LAMA1: variants seen among roughly 807,000 people sequenced by gnomAD.
The protein encoded by LAMA1 is laminin subunit alpha-1.
Under a neutral mutation model 348.7 loss-of-function variants are expected in LAMA1, and 219 were observed. The observed-to-expected ratio is 0.63, with a 90% CI of 0.56 to 0.70. LAMA1 has a LOEUF of 0.70. Among genes scored for constraint, LAMA1 ranks in the 30% least tolerant of loss-of-function variants. LAMA1 has a pLI of 0.00. For missense variants in LAMA1, 3,744 were observed against 3,888.0 expected (o/e 0.96, Z 0.99); for synonymous variants, 1,487 against 1,491.0 (o/e 1.00, Z 0.06).
intron 46 of LAMA1, among the ~76,000 whole-genome samples, chr18:6,974,667 C>T (rs1037689994): frequency 2.6e-5 from 4 of 151,864 alleles, no homozygotes; most frequent in African/African-American, 9.7e-5. Context: ...AGGCTGGTCT[C>T]GAACTCCTGA....
chr18:6,979,291 A>G (rs2057697463), intron 42 of LAMA1, among the ~76,000 whole-genome samples: 3 of 152,338 alleles, frequency 2.0e-5, no homozygotes, highest in South Asian at 2.1e-4. Flanking sequence ...GGTAACTTCC[A>G]TGCTTACAAA....
intron 3 of LAMA1, among the ~76,000 whole-genome samples, chr18:7,075,265 T>C (rs1160559919): frequency 6.6e-6 from 1 of 152,184 alleles, no homozygotes; most frequent in East Asian, 1.9e-4. Context: ...GTTTGTTCCT[T>C]GTTCTTTTCT....
intron 49 of LAMA1, chr18:6,965,662 G>C (rs2057630015): frequency 3.6e-6 from 2 of 550,818 alleles, no homozygotes; most frequent in Middle Eastern, 4.8e-4. Flanking sequence ...CCACAATTCA[G>C]TAAGAGAAGT....
At chr18:7,102,285 C>G (rs1297935241) in intron 1 of LAMA1, among the ~76,000 whole-genome samples, 1 of 152,132 alleles carries the variant, frequency 6.6e-6, no homozygotes, top group African/African-American at 2.4e-5. Flanking sequence ...AAAAATCCAT[C>G]TATGACATAA....
At chr18:6,992,217 A>C (rs1016696735) in intron 36 of LAMA1, among the ~76,000 whole-genome samples, 1 of 152,110 alleles carries the variant, frequency 6.6e-6, no homozygotes, top group South Asian at 2.1e-4. Flanking sequence ...GCCACCAACG[A>C]TTTTTTTCTA....
At chr18:6,982,186 G>C (rs948297163) in intron 41 of LAMA1, among the ~76,000 whole-genome samples, 1 of 152,134 alleles carries the variant, frequency 6.6e-6, no homozygotes, top group Non-Finnish European at 1.5e-5. Context: ...TAACCCAACA[G>C]ACACTAGGAA....
At chr18:7,035,644 T>C (rs1026464654) in intron 13 of LAMA1, among the ~76,000 whole-genome samples, 1 of 152,140 alleles carries the variant, frequency 6.6e-6, no homozygotes, top group African/African-American at 2.4e-5. Context: ...CTCAAACTCC[T>C]GGCTTCAAAC....
At chr18:6,977,693 C>A (rs554424899) in intron 44 of LAMA1, 34 bp downstream of exon 44, 2 of 1,613,136 alleles carry the variant, frequency 1.2e-6, no homozygotes, top group Non-Finnish European at 1.7e-6. Flanking sequence ...TGACTGAGAG[C>A]CCAGTTACGA....
intron 30 of LAMA1, 132 bp from the exon 31 acceptor site, chr18:7,000,129 C>T (rs1203676619): frequency 2.9e-6 from 2 of 690,712 alleles, no homozygotes; most frequent in African/African-American, 1.8e-5. Context: ...CTTTTTAGAG[C>T]TTACAATCTA....
chr18:7,048,150 TA>T (rs1568045765), intron 5 of LAMA1, among the ~76,000 whole-genome samples: 1 of 152,282 alleles, frequency 6.6e-6, no homozygotes, highest in East Asian at 1.9e-4. Context: ...ACAAAATATA[TA>T]AAATTCTTTT....
intron 1 of LAMA1, among the ~76,000 whole-genome samples, chr18:7,098,305 C>G (rs1344355835): frequency 1.2e-4 from 18 of 151,730 alleles, no homozygotes; most frequent in Admixed American, 1.1e-3. Context: ...TCTGCCTGGC[C>G]GCCCATCGTC....
In LAMA1 at chr18:7,117,790, G is replaced by A; in HGVS notation, c.-70C>T. 1.5e-6 allele frequency: 2 copies of A among 1,379,120 alleles called. No homozygotes were observed. Among genetic ancestry groups the A allele is most frequent in the Non-Finnish European group, 2.0e-6 (2 of 1,007,952 alleles). The allele number at this position is 1,379,120 out of a possible 1,614,324, so 85.4% of individuals were successfully genotyped here. On this transcript the variant is annotated 5_prime_UTR_variant, in exon 1 of 63. Coordinates refer to ENST00000389658, the MANE Select transcript of LAMA1 (RefSeq NM_005559.4). ...GCCCGCCTGGAACGCTCCACGGGACGCGAGTCCGCGCTGCCCTGGCCCCGC... is the reference window on the plus strand; with the variant it reads ...GCCCGCCTGGAACGCTCCACGGGACACGAGTCCGCGCTGCCCTGGCCCCGC...
intron 18 of LAMA1, 110 bp downstream of exon 18, chr18:7,024,270 C>A: frequency 1.3e-6 from 1 of 746,954 alleles, no homozygotes. Flanking sequence ...TATGAAATAA[C>A]AATTATGCAT....
chr18:7,010,174 C>T, intron 26 of LAMA1, 26 bp downstream of exon 26: 1 of 1,612,756 alleles, frequency 6.2e-7, no homozygotes, highest in African/African-American at 1.3e-5. Flanking sequence ...CTTTAAGGAA[C>T]TTCTATGAAA....
At position 7,007,154 on chromosome 18, in the gene LAMA1, G is replaced by A. The variant is rs763221900; in HGVS notation, c.4245C>T (p.Asn1415=). 1.2e-6 allele frequency: 2 copies of A among 1,614,150 alleles called. No homozygotes were observed. Among genetic ancestry groups the A allele is most frequent in the Admixed American group, 1.7e-5 (1 of 60,022 alleles). Residue 1415 remains asparagine (N), a synonymous_variant, in exon 29 of 63, where the codon AAC becomes AAT. Transcript: ENST00000389658. ...CNNHSDTCDP[N]TGKCLNCGDN... ...ACCAGCATACCAGACACTTCCCGGTGTTGGGGTCACAGGTGTCACTGTGGT... is the reference window on the plus strand; with the variant it reads ...ACCAGCATACCAGACACTTCCCGGTATTGGGGTCACAGGTGTCACTGTGGT...
intron 11 of LAMA1, chr18:7,038,482 C>T: frequency 2.5e-6 from 1 of 396,832 alleles, no homozygotes; most frequent in Non-Finnish European, 4.8e-6. Context: ...CTCTGGGCTC[C>T]CAGGCCTGAG....
chr18:7,095,733 G>T (rs1397282759), intron 1 of LAMA1, among the ~76,000 whole-genome samples: 1 of 152,250 alleles, frequency 6.6e-6, no homozygotes, highest in Middle Eastern at 3.2e-3. Context: ...CATTAACTGA[G>T]TGAGGTTTGA....
intron 53 of LAMA1, 97 bp from the exon 54 acceptor site, chr18:6,959,589 CAAGT>C (rs2057597836): frequency 1.6e-6 from 2 of 1,284,000 alleles, no homozygotes; most frequent in Non-Finnish European, 2.2e-6. Context: ...AGATTAACAT[CAAGT>C]GAGTAGAGCA....
intron 59 of LAMA1, among the ~76,000 whole-genome samples, 186 bp downstream of exon 59, chr18:6,948,915 A>C (rs569817222): frequency 6.6e-6 from 1 of 152,300 alleles, no homozygotes; most frequent in Admixed American, 6.5e-5. Context: ...GGCTGGAAAG[A>C]CTGATCGGGT....
Sources: gnomAD v4.1 joint callset for allele counts (sites outside exome capture counted in the v4.1 genomes callset) on GRCh38, gnomAD v4.1.1 for gene constraint, MANE v1.5 for transcripts, NCBI Gene and HGNC (gene_info 2026-07-23, HGNC 2026-07-21) for gene names.